EPB41L3: variants seen among roughly 807,000 people sequenced by gnomAD.
EPB41L3 encodes band 4.1-like protein 3.
EPB41L3 carries 57 observed loss-of-function variants against 127.1 expected under a neutral mutation model. The ratio of observed to expected loss-of-function variants is 0.45; its 90% CI spans 0.36 to 0.56. The LOEUF is 0.56. EPB41L3 is among the 20% of genes least tolerant of loss of function. The pLI is 0.00. For missense variants in EPB41L3, 1,273 were observed against 1,372.2 expected, an observed-to-expected ratio of 0.93 and a Z score of 1.14; for synonymous variants, 572 against 549.5, an observed-to-expected ratio of 1.04 and a Z score of -0.57.
rs543336917 is a variant in EPB41L3 at position 5,456,900 on chromosome 18, G to A, written c.382-11656C>T. The stretch of plus-strand genomic sequence containing the variant: ...CTAATTCGAGAACCAGACACGGCAG[G>A]CCCTGTCTTCTGGGCTCAGCCCAGT... On this transcript the variant is annotated intron_variant, in intron 3 of 22. Transcript: ENST00000341928. Among the ~76,000 whole-genome samples the A allele has an allele frequency of 1.7e-3, 262 of 152,320 alleles. 1 individual carries two copies. Among genetic ancestry groups the A allele is most frequent in the Admixed American group, 3.8e-3 (58 of 15,308 alleles).
chr18:5,474,593 C>T (rs75668286), intron 3 of EPB41L3, among the ~76,000 whole-genome samples: 1,798 of 151,968 alleles, frequency 0.012, 13 homozygotes, highest in Middle Eastern at 0.034. Flanking sequence ...TTCAATATGC[C>T]ATGGAGAAAA....
intron 1 of EPB41L3, among the ~76,000 whole-genome samples, chr18:5,501,785 C>T (rs187200591): frequency 3.5e-4 from 54 of 152,198 alleles, no homozygotes; most frequent in African/African-American, 1.2e-3. Context: ...TGTAATGCAT[C>T]CACTTTTATC....
chr18:5,621,097 CA>C (rs1207833263), intron 1 of EPB41L3, among the ~76,000 whole-genome samples: 1 of 152,176 alleles, frequency 6.6e-6, no homozygotes, highest in Non-Finnish European at 1.5e-5. Flanking sequence ...GAGAACACAT[CA>C]CTCACTTCCC....
chr18:5,540,618 G>A (rs1172584588), intron 1 of EPB41L3: 2 of 911,876 alleles, frequency 2.2e-6, no homozygotes, highest in Non-Finnish European at 1.3e-6. Context: ...CTAGCTAGCC[G>A]TTTGAAAGAA....
At chr18:5,483,624 A>G (rs78401041) in intron 2 of EPB41L3, among the ~76,000 whole-genome samples, 10,591 of 145,964 alleles carry the variant, frequency 0.073, 650 homozygotes, top group African/African-American at 0.15. Flanking sequence ...AAAAAGGTGG[A>G]AAAAAAAACC....
At chr18:5,496,709 T>C (rs1457113654) in intron 1 of EPB41L3, among the ~76,000 whole-genome samples, 1 of 152,272 alleles carries the variant, frequency 6.6e-6, no homozygotes, top group Non-Finnish European at 1.5e-5. Context: ...AGCAGTGACA[T>C]GGCTGTACAC....
intron 1 of EPB41L3, among the ~76,000 whole-genome samples, chr18:5,499,271 C>T (rs934926669): frequency 6.6e-6 from 1 of 152,154 alleles, no homozygotes; most frequent in Non-Finnish European, 1.5e-5. Context: ...CCTCCAATAA[C>T]AGAGCTGTTT....
chr18:5,411,550 C>T (rs1008048644), intron 13 of EPB41L3, among the ~76,000 whole-genome samples: 5 of 151,804 alleles, frequency 3.3e-5, no homozygotes, highest in Non-Finnish European at 5.9e-5. Flanking sequence ...TGTTTTCTCT[C>T]GAGTAGAGTA....
intron 16 of EPB41L3, chr18:5,399,459 A>G (rs903132640): frequency 7.5e-6 from 3 of 397,858 alleles, no homozygotes; most frequent in Non-Finnish European, 1.3e-5. Flanking sequence ...TCCTTTAAGA[A>G]AATCAGGGCA....
In EPB41L3 at chr18:5,408,808, G is replaced by A. The variant is rs562283755; in HGVS notation, c.2122-1072C>T. 2.6e-5 allele frequency among the ~76,000 whole-genome samples: 4 copies of A among 152,170 alleles called. No homozygotes were observed. In the South Asian group the frequency reaches 6.2e-4, roughly 24 times the overall value. On this transcript the variant is annotated intron_variant, in intron 14 of 22. Transcript: ENST00000341928. ...ATTTCAAGGAGTGGTCTAATCCCTG[G>A]ACTGCTTTCTGAGTATCAGTAATTA... is the stretch of plus-strand genomic sequence containing the variant.
At chr18:5,395,826 C>T (rs1439458203) in intron 19 of EPB41L3, 119 bp from the exon 20 acceptor site, 23 of 771,446 alleles carry the variant, frequency 3.0e-5, no homozygotes, top group Non-Finnish European at 5.1e-5. Context: ...AATCATTATG[C>T]TCTTCAGAGT....
intron 1 of EPB41L3, among the ~76,000 whole-genome samples, chr18:5,627,087 C>T (rs935530921): frequency 2.6e-5 from 4 of 152,144 alleles, no homozygotes; most frequent in East Asian, 1.9e-4. Context: ...AGTCTGTTTA[C>T]GCAGTGCTCC....
intron 2 of EPB41L3, among the ~76,000 whole-genome samples, chr18:5,487,762 G>C (rs1378882929): frequency 2.7e-5 from 4 of 150,070 alleles, no homozygotes; most frequent in African/African-American, 9.8e-5. Context: ...ACTGAGCCCG[G>C]CCTCAAATTT....
At chr18:5,437,973 C>T (rs1451748902) in intron 6 of EPB41L3, 62 bp downstream of exon 6, 2 of 1,493,496 alleles carry the variant, frequency 1.3e-6, no homozygotes, top group East Asian at 4.6e-5. Flanking sequence ...CTTTCCGGAG[C>T]ATTTAAGAGA....
intron 2 of EPB41L3, among the ~76,000 whole-genome samples, chr18:5,484,234 C>G (rs1205078373): frequency 1.3e-5 from 2 of 150,136 alleles, no homozygotes; most frequent in Non-Finnish European, 1.5e-5. Context: ...AACAACATGC[C>G]CTGAATGACC....
intron 9 of EPB41L3, among the ~76,000 whole-genome samples, chr18:5,427,335 G>T (rs2078328584): frequency 1.3e-5 from 2 of 152,104 alleles, no homozygotes; most frequent in Non-Finnish European, 2.9e-5. Flanking sequence ...ATACCAATTA[G>T]AAATTTGAGG....
intron 3 of EPB41L3, among the ~76,000 whole-genome samples, chr18:5,454,682 A>G (rs1196889866): frequency 6.6e-6 from 1 of 152,230 alleles, no homozygotes; most frequent in African/African-American, 2.4e-5. Flanking sequence ...ACTTTCAAAC[A>G]TTCATCAGTC....
intron 3 of EPB41L3, among the ~76,000 whole-genome samples, chr18:5,462,537 A>C (rs750373818): frequency 1.7e-4 from 26 of 152,180 alleles, no homozygotes; most frequent in Non-Finnish European, 3.7e-4. Flanking sequence ...ATACGGTCAC[A>C]ATCACTACTG....
At chr18:5,609,410 T>C (rs914742818) in intron 3 of EPB41L3, among the ~76,000 whole-genome samples, 1 of 152,194 alleles carries the variant, frequency 6.6e-6, no homozygotes, top group Admixed American at 6.5e-5. Context: ...CTTCCTGCTG[T>C]CTATTCTGCA....
Sources: gnomAD v4.1 joint callset for allele counts (sites outside exome capture counted in the v4.1 genomes callset) on GRCh38, gnomAD v4.1.1 for gene constraint, MANE v1.5 for transcripts, NCBI Gene and HGNC (gene_info 2026-07-23, HGNC 2026-07-21) for gene names.